The following MBNL1 variants were observed in gnomAD, a reference collection of about 807,000 sequenced individuals.
MBNL1 encodes the protein muscleblind-like protein 1.
In MBNL1, 8 loss-of-function variants were observed where a neutral mutation model predicts 42.2. The ratio of observed to expected loss-of-function variants is 0.19; its 90% CI spans 0.11 to 0.34. The LOEUF is 0.34. Ranked by LOEUF, MBNL1 falls within the 10% of genes least tolerant of loss-of-function variation. The pLI is 1.00. For missense variants in MBNL1, 309 were observed against 495.3 expected (o/e 0.62, Z 3.57); for synonymous variants, 169 against 173.9 (o/e 0.97, Z 0.22).
In MBNL1 at chr3:152,456,281, G is replaced by A; in HGVS notation, c.1012G>A (p.Gly338Ser). Residue 338 changes from glycine (G) to serine (S), a missense_variant, in exon 8 of 10, where the codon GGT becomes AGT. Gly to Ser is a moderately conservative substitution (Grantham distance 56). Coordinates refer to ENST00000324210, the MANE Select transcript of MBNL1 (RefSeq NM_021038.5). ...CCCTCCGAAAGTTCCCATGGTGCACGGTGCTACGCCAGCCACTGTGTCCGC... is the reference window on the plus strand; with the variant it reads ...CCCTCCGAAAGTTCCCATGGTGCACAGTGCTACGCCAGCCACTGTGTCCGC... ...PATSVVPMVH[G>S]ATPATVSAAT... 1.9e-6 allele frequency: 3 copies of A among 1,613,480 alleles called. No individual in the cohort carries two copies. The highest frequency in any genetic ancestry group is 2.5e-6 in the Non-Finnish European group (3 of 1,179,452).
At chr3:152,399,774 A>T (rs1214859460) in intron 2 of MBNL1, among the ~76,000 whole-genome samples, 1 of 152,144 alleles carries the variant, frequency 6.6e-6, no homozygotes, top group East Asian at 1.9e-4. Context: ...AAGTACTGGG[A>T]TTACAGGCAT....
At chr3:152,267,376 C>G (rs1326762285), upstream of MBNL1, 1 of 152,322 alleles carries the variant, frequency 6.6e-6, no homozygotes, top group Non-Finnish European at 1.5e-5. Context: ...AGCACTTATC[C>G]CTTATGCAGA....
At chr3:152,334,219 A>T (rs953945468) in intron 2 of MBNL1, among the ~76,000 whole-genome samples, 3 of 152,336 alleles carry the variant, frequency 2.0e-5, no homozygotes, top group Admixed American at 2.0e-4. Flanking sequence ...TGTAAAGAAC[A>T]CATGCTTTGG....
chr3:152,252,886 A>G lies in MBNL1; in HGVS notation n.333+8446A>G, dbSNP rs75631119. 4.9e-4 allele frequency among the ~76,000 whole-genome samples: 75 copies of G among 152,198 alleles called. No homozygotes were observed. In the East Asian group the frequency reaches 0.012, roughly 25 times the overall value. Reference sequence around the variant, plus strand: ...GTATTCCTGCCCCCAGTACTTCCCTATATTCTACTCCAGTATTCATAACTG... The same window carrying G: ...GTATTCCTGCCCCCAGTACTTCCCTGTATTCTACTCCAGTATTCATAACTG... On this transcript the variant is annotated intron_variant and non_coding_transcript_variant, in intron 2 of 2. Transcript: ENST00000477171.
At chr3:152,268,808 A>C (rs1442041703), upstream of MBNL1, 2 of 444,012 alleles carry the variant, frequency 4.5e-6, no homozygotes, top group African/African-American at 2.1e-5. Flanking sequence ...CGCCGCGTGC[A>C]TTAGGAGCTC....
Position 152,410,293 on chromosome 3 carries a change from C to T in MBNL1, c.175-4648C>T, listed in dbSNP as rs369494259. 2.0e-5 allele frequency among the ~76,000 whole-genome samples: 3 copies of T among 152,246 alleles called. No homozygotes were observed. The East Asian group carries it at 5.8e-4, about 29-fold the overall frequency. On this transcript the variant is annotated intron_variant, in intron 2 of 9. Transcript: ENST00000324210. ...AGTTTGAAAGACTAATGAGATAATT[C>T]TTAAATTCACAATCGAACAACTTAC...
At chr3:152,395,522 T>C (rs1296391575) in intron 2 of MBNL1, among the ~76,000 whole-genome samples, 1 of 152,294 alleles carries the variant, frequency 6.6e-6, no homozygotes, top group East Asian at 1.9e-4. Flanking sequence ...TTGTCTTGGA[T>C]TTTTAGGTCC....
chr3:152,314,813 T>C (rs1467144917), intron 2 of MBNL1, among the ~76,000 whole-genome samples: 1 of 152,230 alleles, frequency 6.6e-6, no homozygotes, highest in Non-Finnish European at 1.5e-5. Context: ...CCCTGATTTT[T>C]TTGGCTTTTC....
chr3:152,419,212 G>T (rs1403741000), intron 3 of MBNL1, among the ~76,000 whole-genome samples: 1 of 151,444 alleles, frequency 6.6e-6, no homozygotes, highest in African/African-American at 2.4e-5. Flanking sequence ...TATGTTCTTT[G>T]AGGACAAATG....
chr3:152,295,225 A>G (rs13093352), intron 1 of MBNL1, among the ~76,000 whole-genome samples: 25,377 of 152,260 alleles, frequency 0.17, 2,571 homozygotes, highest in Admixed American at 0.24. Flanking sequence ...GCTACAGAAA[A>G]TAAATATAAT....
At chr3:152,285,023 A>G (rs1234804920) in intron 1 of MBNL1, among the ~76,000 whole-genome samples, 2 of 152,166 alleles carry the variant, frequency 1.3e-5, no homozygotes, top group South Asian at 2.1e-4. Context: ...CCAGGTATAC[A>G]TTATTAATGT....
intron 2 of MBNL1, among the ~76,000 whole-genome samples, chr3:152,248,024 C>T (rs1289838646): frequency 6.6e-6 from 1 of 151,538 alleles, no homozygotes; most frequent in Non-Finnish European, 1.5e-5. Flanking sequence ...TAGTGGTTAT[C>T]ACATTCTCAA....
intron 2 of MBNL1, among the ~76,000 whole-genome samples, chr3:152,333,073 A>G (rs2086432271): frequency 1.3e-5 from 2 of 152,072 alleles, no homozygotes; most frequent in Admixed American, 1.3e-4. Context: ...CTCTCTCTAA[A>G]CTCATAATTA....
chr3:152,337,697 AT>A lies in MBNL1; in HGVS notation c.174+37331del, dbSNP rs2091308772. ...ATATTTTCTGTCCTTCCTCTTCTTT[AT>A]CCTTTTTCTTTTTCCATCTTTTGTT... On this transcript the variant is annotated intron_variant, in intron 2 of 9. Transcript: ENST00000324210. Among the ~76,000 whole-genome samples the A allele has an allele frequency of 4.7e-5, 7 of 149,396 alleles. 1 individual carries two copies. The highest frequency in any genetic ancestry group is 4.7e-4 in the Admixed American group (7 of 14,976).
chr3:152,270,105 G>A (rs2040253668), intron 1 of MBNL1, among the ~76,000 whole-genome samples: 1 of 152,024 alleles, frequency 6.6e-6, no homozygotes, highest in South Asian at 2.1e-4. Flanking sequence ...AGGCTCTCTG[G>A]GGCCGGGAGA....
rs1463712461 is a variant in MBNL1, at chr3:152,465,168, CATTTTTCA to C, written c.*2804_*2811del. ...GAAATCATGGATCAGATATTCCTTA[CATTTTTCA>C]AAACTACTGCATGTTTAAAACTTCA... On this transcript the variant is annotated 3_prime_UTR_variant, in exon 10 of 10. Coordinates refer to ENST00000324210, the MANE Select transcript of MBNL1 (RefSeq NM_021038.5). 8.5e-5 allele frequency: 13 copies of C among 152,162 alleles called. No individual in the cohort carries two copies. The highest frequency in any genetic ancestry group is 7.2e-4 in the Admixed American group (11 of 15,276). The allele number at this position is 152,162 out of a possible 1,614,324, so 9.4% of individuals were successfully genotyped here. A position where few individuals can be genotyped will look rare whatever the true frequency, so the allele number is the denominator to read the frequency against.
intron 2 of MBNL1, among the ~76,000 whole-genome samples, chr3:152,248,137 T>C (rs2033589996): frequency 3.9e-5 from 6 of 152,108 alleles, no homozygotes; most frequent in Admixed American, 3.9e-4. Context: ...AAAGTGTACC[T>C]TAATTCAATC....
At chr3:152,379,428 G>A (rs2097082020) in intron 2 of MBNL1, among the ~76,000 whole-genome samples, 2 of 152,088 alleles carry the variant, frequency 1.3e-5, no homozygotes, top group South Asian at 4.1e-4. Context: ...CCTTTCTTTG[G>A]AACTATTTTG....
intron 3 of MBNL1, among the ~76,000 whole-genome samples, chr3:152,421,812 T>G (rs2098809694): frequency 1.3e-5 from 2 of 152,152 alleles, no homozygotes; most frequent in Admixed American, 1.3e-4. Flanking sequence ...ACCCAGAATT[T>G]CATAGCCAGA....
Sources: allele counts gnomAD v4.1 joint callset (sites outside exome capture counted in the v4.1 genomes callset), GRCh38; gene constraint gnomAD v4.1.1; transcripts MANE v1.5; gene names NCBI Gene and HGNC (gene_info 2026-07-23, HGNC 2026-07-21).